FAM184B: variants seen among roughly 807,000 people sequenced by gnomAD.
The protein encoded by FAM184B is protein FAM184B.
FAM184B carries 111 observed loss-of-function variants against 135.9 expected under a neutral mutation model. The ratio of observed to expected loss-of-function variants is 0.82; its 90% CI spans 0.70 to 0.96. FAM184B has a LOEUF of 0.96. Among genes scored for constraint, FAM184B ranks in the 40% least tolerant of loss-of-function variants. The pLI is 0.00. For missense variants in FAM184B, 1,375 were observed against 1,323.9 expected, an observed-to-expected ratio of 1.04 and a Z score of -0.60; for synonymous variants, 552 against 524.8, an observed-to-expected ratio of 1.05 and a Z score of -0.71.
chr4:17,651,247 T>C (rs1233413583), intron 11 of FAM184B, among the ~76,000 whole-genome samples: 2 of 151,984 alleles, frequency 1.3e-5, no homozygotes, highest in Non-Finnish European at 2.9e-5. Flanking sequence ...CATTGAAATA[T>C]TCAGTCATGG....
chr4:17,757,415 T>C (rs1305428873), intron 1 of FAM184B, among the ~76,000 whole-genome samples: 1 of 152,178 alleles, frequency 6.6e-6, no homozygotes, highest in African/African-American at 2.4e-5. Flanking sequence ...CAAAACAATG[T>C]AAGTACTAGA....
intron 1 of FAM184B, among the ~76,000 whole-genome samples, chr4:17,721,138 A>G (rs1484811207): frequency 6.6e-6 from 1 of 151,812 alleles, no homozygotes; most frequent in African/African-American, 2.4e-5. Context: ...TAATCCCAGC[A>G]CTTTCGGAGG....
intron 7 of FAM184B, among the ~76,000 whole-genome samples, chr4:17,682,893 G>A (rs1473720795): frequency 6.6e-6 from 1 of 152,128 alleles, no homozygotes; most frequent in African/African-American, 2.4e-5. Flanking sequence ...AAATTTTATA[G>A]CCCCAATCCA....
At chr4:17,692,051 C>CAA (rs35468215) in intron 6 of FAM184B, among the ~76,000 whole-genome samples, 2 of 135,142 alleles carry the variant, frequency 1.5e-5, no homozygotes, top group Non-Finnish European at 3.2e-5. Flanking sequence ...GACTCCGTCT[C>CAA]AAAAAAAAAA....
intron 1 of FAM184B, among the ~76,000 whole-genome samples, chr4:17,726,255 A>G (rs534998543): frequency 2.2e-4 from 34 of 152,156 alleles, no homozygotes; most frequent in South Asian, 1.0e-3. Context: ...ATACAAAACC[A>G]GATTCCCAAA....
chr4:17,632,612 C>G lies in FAM184B; in HGVS notation c.3103G>C (p.Glu1035Gln). 6.5e-7 allele frequency: 1 copy of G among 1,549,860 alleles called. No individual in the cohort carries two copies. The highest frequency in any genetic ancestry group is 8.7e-7 in the Non-Finnish European group (1 of 1,146,358). Residue 1035 changes from glutamate (E) to glutamine (Q), a missense_variant, in exon 18 of 18, where the codon GAA becomes CAA. Coordinates refer to ENST00000265018, the MANE Select transcript of FAM184B (RefSeq NM_015688.2). ...AKTATRTPDG[E>Q]TAQAKEVQQK... ...TGGACTTCTTTGGCTTGGGCCGTTT[C>G]ACCATCTGGGGTCCTAAAAGCAAAA... is the stretch of plus-strand genomic sequence containing the variant.
At position 17,634,440 on chromosome 4, in the gene FAM184B, C is replaced by A. The variant is rs763556811; in HGVS notation, c.2890-552G>T. ...CTGGGTTCAAGTGATTCTCCTACCT[C>A]GGCCTCCTGAGTAGCTGGGATTACA... On this transcript the variant is annotated intron_variant, in intron 16 of 17. Transcript: ENST00000265018. 1.7e-4 allele frequency among the ~76,000 whole-genome samples: 26 copies of A among 152,284 alleles called. No individual in the cohort carries two copies. In the East Asian group the frequency reaches 4.8e-3, roughly 28 times the overall value.
At chr4:17,753,911 G>C (rs970852538) in intron 1 of FAM184B, among the ~76,000 whole-genome samples, 1 of 152,206 alleles carries the variant, frequency 6.6e-6, no homozygotes, top group African/African-American at 2.4e-5. Context: ...AAGGCAAGAG[G>C]ACTAGTGTAT....
At chr4:17,666,469 CTTT>C (rs386399397) in intron 7 of FAM184B, among the ~76,000 whole-genome samples, 5 of 57,160 alleles carry the variant, frequency 8.7e-5, no homozygotes, top group East Asian at 6.5e-4. Context: ...GTGCCTGGTT[CTTT>C]TTTTTTTTTT....
At chr4:17,761,810 C>T (rs934950908) in intron 1 of FAM184B, among the ~76,000 whole-genome samples, 3 of 152,166 alleles carry the variant, frequency 2.0e-5, no homozygotes, top group African/African-American at 4.8e-5. Context: ...CATGAGTCAC[C>T]GCAGCTGACT....
In FAM184B at chr4:17,629,833, C is replaced by T. The variant is rs947590725; in HGVS notation, c.*2699G>A. ...CAATAGTGTTAGGGCACAGTAGGTTCATTTACTGCTGGTAAGGGTGTAAAT... is the reference window on the plus strand; with the variant it reads ...CAATAGTGTTAGGGCACAGTAGGTTTATTTACTGCTGGTAAGGGTGTAAAT... On this transcript the variant is annotated 3_prime_UTR_variant, in exon 18 of 18. Coordinates refer to ENST00000265018, the MANE Select transcript of FAM184B (RefSeq NM_015688.2). 5 of 152,182 alleles carry T rather than the reference C, an allele frequency of 3.3e-5. No homozygotes were observed. The highest frequency in any genetic ancestry group is 7.3e-5 in the Non-Finnish European group (5 of 68,038). 9.4% of individuals were successfully genotyped at this position (152,182 alleles called of 1,614,324 possible).
intron 5 of FAM184B, among the ~76,000 whole-genome samples, chr4:17,703,310 A>G (rs533385570): frequency 1.5e-4 from 23 of 151,992 alleles, no homozygotes; most frequent in African/African-American, 5.5e-4. Flanking sequence ...CAGCTGGGCA[A>G]CATGGTGAGA....
At chr4:17,687,365 G>A (rs1716612667) in intron 7 of FAM184B, among the ~76,000 whole-genome samples, 1 of 152,278 alleles carries the variant, frequency 6.6e-6, no homozygotes, top group Non-Finnish European at 1.5e-5. Flanking sequence ...TGCTGAAACA[G>A]GAATTAAGAG....
intron 12 of FAM184B, among the ~76,000 whole-genome samples, chr4:17,646,711 C>T (rs952272037): frequency 6.6e-5 from 10 of 151,986 alleles, no homozygotes; most frequent in African/African-American, 2.2e-4. Context: ...CACATGTACC[C>T]TAGAACTTAA....
At chr4:17,653,990 G>A (rs906384930) in intron 10 of FAM184B, among the ~76,000 whole-genome samples, 17 of 129,000 alleles carry the variant, frequency 1.3e-4, no homozygotes, top group African/African-American at 4.5e-4. Flanking sequence ...CAGAAGCCAC[G>A]GAACTCAGGC....
rs557568984 is a variant in FAM184B, at chr4:17,641,944, G to C, written c.2519+112C>G. 3 of 1,400,158 alleles carry C rather than the reference G, an allele frequency of 2.1e-6. No individual in the cohort carries two copies. In the South Asian group the frequency reaches 4.4e-5, roughly 21 times the overall value. The allele number at this position is 1,400,158 out of a possible 1,614,324, so 86.7% of individuals were successfully genotyped here. A position where few individuals can be genotyped will look rare whatever the true frequency, so the allele number is the denominator to read the frequency against. On this transcript the variant is annotated intron_variant, in intron 13 of 17. Coordinates refer to ENST00000265018, the MANE Select transcript of FAM184B (RefSeq NM_015688.2). Reference sequence around the variant, plus strand: ...CTAGTGTCTTGTGGGGCAGGATGCCGAGGCAGTGACCCATTTCAGGTCTCA... The same window carrying C: ...CTAGTGTCTTGTGGGGCAGGATGCCCAGGCAGTGACCCATTTCAGGTCTCA...
At chr4:17,707,851 G>A in intron 2 of FAM184B, 67 bp from the exon 3 acceptor site, 1 of 1,528,774 alleles carries the variant, frequency 6.5e-7, no homozygotes, top group Non-Finnish European at 8.8e-7. Context: ...TGTGTACACA[G>A]AATAGCCATC....
At chr4:17,761,024 A>G (rs1718533943) in intron 1 of FAM184B, among the ~76,000 whole-genome samples, 1 of 152,216 alleles carries the variant, frequency 6.6e-6, no homozygotes, top group African/African-American at 2.4e-5. Flanking sequence ...TGTCGGAGAC[A>G]TTTTTAGTTG....
rs573154323 is a variant in FAM184B, at chr4:17,649,128, T to C, written c.2192-1337A>G. 9.8e-5 allele frequency among the ~76,000 whole-genome samples: 15 copies of C among 152,306 alleles called. No homozygotes were observed. In the South Asian group the frequency reaches 2.5e-3, roughly 25 times the overall value. On this transcript the variant is annotated intron_variant, in intron 11 of 17. Transcript: ENST00000265018. ...ACAGGTTTTAGTACAGAGCAAGTGC[T>C]CAACATATATTTGTAAAATAAACAA...
Sources: allele counts gnomAD v4.1 joint callset (sites outside exome capture counted in the v4.1 genomes callset), GRCh38; gene constraint gnomAD v4.1.1; transcripts MANE v1.5; gene names NCBI Gene and HGNC (gene_info 2026-07-23, HGNC 2026-07-21).